The following ATXN2L variants were observed in gnomAD, a reference collection of about 807,000 sequenced individuals.
ATXN2L encodes ataxin 2 like.
In ATXN2L, 24 loss-of-function variants were observed where a neutral mutation model predicts 120.7. The ratio of observed to expected loss-of-function variants is 0.20; its 90% CI spans 0.14 to 0.28. ATXN2L has a LOEUF of 0.28. ATXN2L is among the 10% of genes least tolerant of loss of function. The probability of loss-of-function intolerance (pLI) is 1.00; values close to 1 mark genes in which losing one functional copy is unlikely to be tolerated. For synonymous variants in ATXN2L, 653 were observed against 568.1 expected (o/e 1.15, Z -2.13); for missense variants, 1,312 against 1,432.3 (o/e 0.92, Z 1.36).
intron 1 of ATXN2L, 137 bp downstream of exon 1, chr16:28,823,695 C>T (rs1189010408): frequency 1.4e-5 from 13 of 931,974 alleles, no homozygotes; most frequent in Non-Finnish European, 1.8e-5. Flanking sequence ...GGGGGAGGGC[C>T]CCCTCAGGTC....
rs562293814 is a variant in ATXN2L at position 28,834,882 on chromosome 16, C to T, written c.2434-176C>T. ...GTGGTACCTGTAACAAGGCATTGGA[C>T]ATCTGTATCTCTGAAGTGTAGAGAA... On this transcript the variant is annotated intron_variant, in intron 18 of 21. Coordinates refer to ENST00000336783, the MANE Select transcript of ATXN2L (RefSeq NM_007245.4). 6 of 1,135,446 alleles carry T rather than the reference C, an allele frequency of 5.3e-6. No homozygotes were observed. The East Asian group carries it at 1.3e-4, about 24-fold the overall frequency. 70.3% of individuals were successfully genotyped at this position (1,135,446 alleles called of 1,614,324 possible). A position where few individuals can be genotyped will look rare whatever the true frequency, so the allele number is the denominator to read the frequency against.
chr16:28,829,961 A>C lies in ATXN2L; in HGVS notation c.937A>C (p.Ile313Leu), dbSNP rs1267303909. ...IESSPQYRLR[I>L]AMENDDGRTE... ...ATCAAGCCCCCAGTACCGCCTACGG[A>C]TCGCCATGGAGAACGACGATGGGCG... The change falls in exon 8 of 22, where the codon ATC becomes CTC. Residue 313 changes from isoleucine to leucine, a missense_variant. By Grantham distance (5) the Ile-to-Leu change is conservative. Transcript: ENST00000336783. The C allele has an allele frequency of 6.2e-7, 1 of 1,614,174 alleles. No individual in the cohort carries two copies.
Position 28,830,031 on chromosome 16 carries a change from G to A in ATXN2L, c.1007G>A (p.Gly336Glu), listed in dbSNP as rs1326474145. ...KHSAVQRQGSGRESPSLASRE... is the reference protein window; with the variant it reads ...KHSAVQRQGSERESPSLASRE... Reference sequence around the variant, plus strand: ...AGTGCAGTCCAGCGGCAGGGCTCAGGGCGGGAGAGCCCCAGCTTGGCATCC... The same window carrying A: ...AGTGCAGTCCAGCGGCAGGGCTCAGAGCGGGAGAGCCCCAGCTTGGCATCC... The change falls in exon 8 of 22, where the codon GGG becomes GAG. Residue 336 changes from glycine (G) to glutamate (E), a missense_variant. Transcript: ENST00000336783. 3.7e-6 allele frequency: 6 copies of A among 1,611,904 alleles called. No homozygotes were observed. Among genetic ancestry groups the A allele is most frequent in the Non-Finnish European group, 5.1e-6 (6 of 1,178,104 alleles).
chr16:28,833,008 C>G, intron 13 of ATXN2L, 51 bp from the exon 14 acceptor site: 1 of 1,596,468 alleles, frequency 6.3e-7, no homozygotes, highest in Non-Finnish European at 8.6e-7. Flanking sequence ...AAGAAGAAAG[C>G]CAGGACTAGG....
chr16:28,832,053 C>G (rs1379995895), intron 10 of ATXN2L, 152 bp from the exon 11 acceptor site: 1 of 750,306 alleles, frequency 1.3e-6, no homozygotes, highest in East Asian at 2.7e-5. Flanking sequence ...GGCCATTTAC[C>G]TGCTTGTGTT....
intron 2 of ATXN2L, 61 bp downstream of exon 2, chr16:28,825,463 A>G (rs2051530336): frequency 1.2e-5 from 19 of 1,576,740 alleles, no homozygotes; most frequent in Non-Finnish European, 1.7e-5. Context: ...TAATGTGGGA[A>G]TATAGGGCAC....
rs1422360063 is a variant in ATXN2L, at chr16:28,833,344, C to T, written c.1945C>T (p.Pro649Ser). The T allele has an allele frequency of 2.2e-5, 36 of 1,612,990 alleles. No individual in the cohort carries two copies. Among genetic ancestry groups the T allele is most frequent in the Non-Finnish European group, 3.1e-5 (36 of 1,179,252 alleles). Reference protein sequence around the residue: ...LIKGEDKDEGPVAEQVKKSTL... With the variant: ...LIKGEDKDEGSVAEQVKKSTL... ...CAAGGGAGAAGACAAAGATGAGGGC[C>T]CTGTTGCTGAGTGAGTGGAGCGGGG... The change falls in exon 14 of 22, where the codon CCT (proline) becomes TCT (serine). Residue 649 changes from proline (P) to serine (S), a missense_variant. Coordinates refer to ENST00000336783, the MANE Select transcript of ATXN2L (RefSeq NM_007245.4).
chr16:28,823,880 C>T, intron 1 of ATXN2L: 1 of 301,730 alleles, frequency 3.3e-6, no homozygotes, highest in Non-Finnish European at 5.9e-6. Flanking sequence ...GATCGGGGTC[C>T]CCGGTTCCAT....
chr16:28,830,322 T>A (rs1443869387), intron 8 of ATXN2L, among the ~76,000 whole-genome samples: 1 of 152,226 alleles, frequency 6.6e-6, no homozygotes, highest in East Asian at 1.9e-4. Context: ...TTGTGTCTTT[T>A]AAAAACTATC....
intron 10 of ATXN2L, 132 bp from the exon 11 acceptor site, chr16:28,832,073 G>T: frequency 1.1e-6 from 1 of 943,324 alleles, no homozygotes; most frequent in South Asian, 1.7e-5. Context: ...TACCTGCCTT[G>T]AGCTTCTAGA....
chr16:28,830,780 T>A lies in ATXN2L; in HGVS notation c.1200T>A (p.Gly400=), dbSNP rs1327476397. The change falls in exon 9 of 22, where the codon GGT becomes GGA. Residue 400 remains glycine (G), a synonymous_variant. Coordinates refer to ENST00000336783, the MANE Select transcript of ATXN2L (RefSeq NM_007245.4). ...SSPGPGSEAR[G]INGGPSRMSP... ...CTGGCCCAGGTTCTGAGGCCCGTGG[T>A]ATCAATGGAGGTGAGTTATGAGGTG... 1.9e-6 allele frequency: 3 copies of A among 1,601,488 alleles called. No homozygotes were observed. Among genetic ancestry groups the A allele is most frequent in the Non-Finnish European group, 2.6e-6 (3 of 1,174,972 alleles).
Position 28,835,174 on chromosome 16 carries a change from C to G in ATXN2L, c.2550C>G (p.Pro850=), listed in dbSNP as rs748121333. Residue 850 remains proline, a synonymous_variant, in exon 19 of 22, where the codon CCC becomes CCG. Coordinates refer to ENST00000336783, the MANE Select transcript of ATXN2L (RefSeq NM_007245.4). ...PQYPSAEQPT[P]QALYATVHQS... ...ACCCTTCTGCAGAGCAGCCTACCCC[C>G]CAAGCCCTTTATGGTGAGTCCTGCG... The G allele has an allele frequency of 1.9e-6, 3 of 1,612,092 alleles. No homozygotes were observed. Among genetic ancestry groups the G allele is most frequent in the Non-Finnish European group, 2.5e-6 (3 of 1,178,996 alleles).
At chr16:28,826,154 G>T (rs2051876210) in intron 4 of ATXN2L, 86 bp from the exon 5 acceptor site, 1 of 1,525,212 alleles carries the variant, frequency 6.6e-7, no homozygotes, top group East Asian at 2.3e-5. Flanking sequence ...GAGAAATCCA[G>T]TTCTATTTAA....
rs1959814422 is a variant in ATXN2L at position 28,835,066 on chromosome 16, T to G, written c.2442T>G (p.Phe814Leu). The change falls in exon 19 of 22, where the codon TTT (phenylalanine) becomes TTG (leucine). Residue 814 changes from phenylalanine (F) to leucine (L), a missense_variant. Physicochemically the swap from Phe to Leu is conservative, Grantham distance 22 (BLOSUM62 0). Transcript: ENST00000336783. Reference sequence around the variant, plus strand: ...TCTCTCTGTCCCGCCAGCCGGTGTTTGCCCCCATGCTTCAGAGCAACCCAC... The same window carrying G: ...TCTCTCTGTCCCGCCAGCCGGTGTTGGCCCCCATGCTTCAGAGCAACCCAC... Reference protein sequence around the residue: ...PMAHYPSQPVFAPMLQSNPRM... With the variant: ...PMAHYPSQPVLAPMLQSNPRM... 2 of 1,612,052 alleles carry G rather than the reference T, an allele frequency of 1.2e-6. No homozygotes were observed. The highest frequency in any genetic ancestry group is 1.7e-6 in the Non-Finnish European group (2 of 1,178,976).
At chr16:28,823,889 AT>A in intron 1 of ATXN2L, 1 of 284,062 alleles carries the variant, frequency 3.5e-6, no homozygotes, top group Non-Finnish European at 6.3e-6. Context: ...CCCCGGTTCC[AT>A]TACCACGAAG....
intron 1 of ATXN2L, chr16:28,824,602 C>G (rs897172420): frequency 8.0e-7 from 1 of 1,242,832 alleles, no homozygotes; most frequent in African/African-American, 1.5e-5. Flanking sequence ...GGGGATACCC[C>G]TCCTCCCACA....
rs188659783 is a variant in ATXN2L, at chr16:28,836,764, C to T, written c.*499C>T. On this transcript the variant is annotated 3_prime_UTR_variant, in exon 22 of 22. Coordinates refer to ENST00000336783, the MANE Select transcript of ATXN2L (RefSeq NM_007245.4). The stretch of plus-strand genomic sequence containing the variant: ...CCCTCCCAGCAGCTCCCCTTCCACC[C>T]CCCGGGGAACTGAAGATTGTCCTGG... The T allele has an allele frequency of 6.2e-7, 1 of 1,614,074 alleles. No individual in the cohort carries two copies. Among genetic ancestry groups the T allele is most frequent in the Admixed American group, 1.7e-5 (1 of 60,016 alleles).
At chr16:28,830,521 G>T (rs2053982405) in intron 8 of ATXN2L, 94 bp from the exon 9 acceptor site, 1 of 1,239,082 alleles carries the variant, frequency 8.1e-7, no homozygotes, top group African/African-American at 1.5e-5. Context: ...TATGTTTGGG[G>T]GCAGAAGGGG....
At chr16:28,825,290 T>C in intron 1 of ATXN2L, 76 bp from the exon 2 acceptor site, 1 of 1,384,888 alleles carries the variant, frequency 7.2e-7, no homozygotes, top group South Asian at 1.2e-5. Flanking sequence ...TATATACTTC[T>C]AGGATTTAAC....
Sources: allele counts gnomAD v4.1 joint callset (sites outside exome capture counted in the v4.1 genomes callset), GRCh38; gene constraint gnomAD v4.1.1; transcripts MANE v1.5; gene names NCBI Gene and HGNC (gene_info 2026-07-23, HGNC 2026-07-21).